PPARD: variants seen among roughly 807,000 people sequenced by gnomAD.
PPARD encodes the protein peroxisome proliferator activated receptor delta, also known as peroxisome proliferator-activated receptor delta.
A neutral mutation model predicts 39.5 loss-of-function variants in PPARD; 6 were observed. The observed-to-expected ratio is 0.15, with a 90% CI of 0.08 to 0.30. The LOEUF (loss-of-function observed/expected upper bound fraction) is 0.30. Among genes scored for constraint, PPARD ranks in the 10% least tolerant of loss-of-function variants. The pLI, the probability that PPARD is intolerant of heterozygous loss-of-function variation, is 1.00. For missense variants in PPARD, 397 were observed against 596.8 expected, an observed-to-expected ratio of 0.67 and a Z score of 3.49; for synonymous variants, 210 against 231.3, an observed-to-expected ratio of 0.91 and a Z score of 0.83.
intron 2 of PPARD, among the ~76,000 whole-genome samples, chr6:35,374,095 G>A (rs1355654142): frequency 6.6e-6 from 1 of 152,134 alleles, no homozygotes; most frequent in African/African-American, 2.4e-5. Flanking sequence ...GACCTCTGCT[G>A]CTGGTGAATC....
At chr6:35,361,066 A>G (rs1761902236) in intron 2 of PPARD, among the ~76,000 whole-genome samples, 1 of 152,198 alleles carries the variant, frequency 6.6e-6, no homozygotes, top group Non-Finnish European at 1.5e-5. Flanking sequence ...TTGGCTTCTC[A>G]GAGGGGGATG....
chr6:35,420,887 C>T (rs545545138), intron 4 of PPARD, among the ~76,000 whole-genome samples: 1 of 119,160 alleles, frequency 8.4e-6, no homozygotes, highest in South Asian at 3.0e-4. Flanking sequence ...AGTGCAGTGG[C>T]GTGATCTCAG....
At chr6:35,350,979 CA>C (rs753196157) in intron 2 of PPARD, among the ~76,000 whole-genome samples, 72 of 152,012 alleles carry the variant, frequency 4.7e-4, no homozygotes, top group Non-Finnish European at 8.4e-4. Flanking sequence ...ACAGCATTCT[CA>C]AACTTTTTGG....
At chr6:35,382,303 C>T (rs145743786) in intron 2 of PPARD, among the ~76,000 whole-genome samples, 3 of 152,232 alleles carry the variant, frequency 2.0e-5, no homozygotes, top group East Asian at 3.9e-4. Context: ...GGAATGGGGT[C>T]GTTGTCAGGA....
rs904581194 is a variant in PPARD, at chr6:35,376,566, G to T, written c.-102+29416G>T. On this transcript the variant is annotated intron_variant, in intron 2 of 7. Transcript: ENST00000360694. Reference sequence around the variant, plus strand: ...GAGACTTGGGTCCTGAATTATGAAAGTATACCTCAGAGCAGCTTGTTTGCC... The same window carrying T: ...GAGACTTGGGTCCTGAATTATGAAATTATACCTCAGAGCAGCTTGTTTGCC... Among the ~76,000 whole-genome samples the T allele has an allele frequency of 9.2e-5, 14 of 152,122 alleles. No individual in the cohort carries two copies. The South Asian group carries it at 2.9e-3, about 32-fold the overall frequency.
chr6:35,386,503 A>G (rs1763669407), intron 2 of PPARD, among the ~76,000 whole-genome samples: 1 of 151,880 alleles, frequency 6.6e-6, no homozygotes, highest in African/African-American at 2.4e-5. Context: ...AAACAAACAA[A>G]CAAACAAATA....
At chr6:35,408,914 A>G (rs1237287001) in intron 2 of PPARD, among the ~76,000 whole-genome samples, 1 of 152,176 alleles carries the variant, frequency 6.6e-6, no homozygotes, top group Non-Finnish European at 1.5e-5. Flanking sequence ...TGTGTTGTTC[A>G]GACCTTACCA....
At chr6:35,396,588 T>C in intron 2 of PPARD, among the ~76,000 whole-genome samples, 1 of 146,588 alleles carries the variant, frequency 6.8e-6, no homozygotes, top group Admixed American at 6.8e-5. Context: ...CCCAGCACTT[T>C]GGGAGGCCGA....
At chr6:35,350,612 CTTTTTTT>C (rs959545502) in intron 2 of PPARD, among the ~76,000 whole-genome samples, 21 of 104,554 alleles carry the variant, frequency 2.0e-4, no homozygotes, top group South Asian at 2.8e-4. Context: ...GTCTATGTGT[CTTTTTTT>C]TTTTTTTTTT....
In PPARD at chr6:35,363,768, C is replaced by A. The variant is rs1026807685; in HGVS notation, c.-102+16618C>A. 3.9e-5 allele frequency among the ~76,000 whole-genome samples: 6 copies of A among 152,116 alleles called. No individual in the cohort carries two copies. Among genetic ancestry groups the A allele is most frequent in the African/African-American group, 1.4e-4 (6 of 41,404 alleles). Reference sequence around the variant, plus strand: ...GAGGGCATGGACAGGGTGACTGATGCCTGAGCCACAGGCAGAATGTGAGCA... The same window carrying A: ...GAGGGCATGGACAGGGTGACTGATGACTGAGCCACAGGCAGAATGTGAGCA... On this transcript the variant is annotated intron_variant, in intron 2 of 7. Coordinates refer to ENST00000360694, the MANE Select transcript of PPARD (RefSeq NM_006238.5). The surrounding 1 kb of genome is among the most constrained non-coding windows in gnomAD (Gnocchi z 4.5).
At chr6:35,409,856 A>T (rs1765309773) in intron 2 of PPARD, among the ~76,000 whole-genome samples, 1 of 152,160 alleles carries the variant, frequency 6.6e-6, no homozygotes, top group South Asian at 2.1e-4. Context: ...TAAGAAACCC[A>T]ATGTCCAAGC....
Position 35,425,119 on chromosome 6 carries a change from A to C in PPARD, c.1078+340A>C. On this transcript the variant is annotated intron_variant, in intron 7 of 7. Coordinates refer to ENST00000360694, the MANE Select transcript of PPARD (RefSeq NM_006238.5). The surrounding 1 kb of genome is among the most constrained non-coding windows in gnomAD (Gnocchi z 4.5). The stretch of plus-strand genomic sequence containing the variant: ...GAAACCCCGTCTCTACTAAAAATAC[A>C]AAAAATTAGCCAGATGTGGTGGCAC... 3 of 852,660 alleles carry C rather than the reference A, an allele frequency of 3.5e-6. No homozygotes were observed. The highest frequency in any genetic ancestry group is 4.4e-6 in the Non-Finnish European group (3 of 679,444). 52.8% of individuals were successfully genotyped at this position (852,660 alleles called of 1,614,324 possible).
rs1176964970 is a variant in PPARD, at chr6:35,384,867, C to T, written c.-101-26120C>T. Among the ~76,000 whole-genome samples, 3 of 114,262 alleles carry T rather than the reference C, an allele frequency of 2.6e-5. No individual in the cohort carries two copies. In the East Asian group the frequency reaches 7.9e-4, roughly 30 times the overall value. The allele number at this position is 114,262 out of a possible 152,430, so 75.0% of individuals were successfully genotyped here. On this transcript the variant is annotated intron_variant, in intron 2 of 7. Coordinates refer to ENST00000360694, the MANE Select transcript of PPARD (RefSeq NM_006238.5). ...TCAGCCCCCCGCCTGGCCAGCCGCC[C>T]CGTCTGGGAGGTGAGGGGCGCCTCT...
At chr6:35,388,519 C>G (rs1182247063) in intron 2 of PPARD, among the ~76,000 whole-genome samples, 2 of 152,026 alleles carry the variant, frequency 1.3e-5, no homozygotes, top group African/African-American at 4.8e-5. Context: ...TGAGACCAGC[C>G]TGGGCAACAT....
chr6:35,411,510 TGTC>T (rs1303907313), intron 3 of PPARD, among the ~76,000 whole-genome samples: 1 of 152,216 alleles, frequency 6.6e-6, no homozygotes, highest in Admixed American at 6.5e-5. Flanking sequence ...CTGTAACACA[TGTC>T]ATCATCATTA....
chr6:35,369,993 A>T (rs1434405104), intron 2 of PPARD, among the ~76,000 whole-genome samples: 2 of 152,218 alleles, frequency 1.3e-5, no homozygotes, highest in African/African-American at 2.4e-5. Flanking sequence ...GGATATTAAT[A>T]AATGTTGCCA....
At chr6:35,369,927 T>C (rs1762395591) in intron 2 of PPARD, among the ~76,000 whole-genome samples, 1 of 152,164 alleles carries the variant, frequency 6.6e-6, no homozygotes, top group South Asian at 2.1e-4. Context: ...GGTATTCAGT[T>C]TTTAAAGGAT....
chr6:35,355,113 G>T (rs1310623356), intron 2 of PPARD, among the ~76,000 whole-genome samples: 4 of 152,156 alleles, frequency 2.6e-5, no homozygotes, highest in African/African-American at 9.7e-5. Flanking sequence ...AGGGAGCCCA[G>T]CCTCAGCCTG....
intron 2 of PPARD, among the ~76,000 whole-genome samples, chr6:35,388,951 T>C (rs1464713540): frequency 3.3e-5 from 5 of 152,214 alleles, no homozygotes; most frequent in Non-Finnish European, 7.3e-5. Flanking sequence ...CTGTGGGCTC[T>C]GACTCCAACC....
Sources: allele counts gnomAD v4.1 joint callset (sites outside exome capture counted in the v4.1 genomes callset), GRCh38; gene constraint gnomAD v4.1.1; non-coding constraint Gnocchi (gnomAD v3.1); transcripts MANE v1.5; gene names NCBI Gene and HGNC (gene_info 2026-07-23, HGNC 2026-07-21).